Variants in CYP2S1 observed in about 807,000 individuals in gnomAD.
The protein encoded by CYP2S1 is cytochrome P450 family 2 subfamily S member 1, also known as cytochrome P450 2S1.
A neutral mutation model predicts 43.5 loss-of-function variants in CYP2S1; 32 were observed. The observed-to-expected ratio is 0.74, with a 90% CI of 0.56 to 0.99. The LOEUF is 0.99. Among genes scored for constraint, CYP2S1 ranks in the 50% least tolerant of loss-of-function variants. The pLI is 0.00. For synonymous variants in CYP2S1, 283 were observed against 302.9 expected (o/e 0.93, Z 0.68); for missense variants, 575 against 673.9 (o/e 0.85, Z 1.62).
At chr19:41,200,096 C>G (rs1032633899) in intron 5 of CYP2S1, among the ~76,000 whole-genome samples, 13 of 152,010 alleles carry the variant, frequency 8.6e-5, no homozygotes, top group African/African-American at 2.9e-4. Context: ...GGGGCCAATT[C>G]TTTAATTAAA....
intron 5 of CYP2S1, among the ~76,000 whole-genome samples, chr19:41,199,957 C>T (rs1273589408): frequency 7.3e-6 from 1 of 136,824 alleles, no homozygotes; most frequent in Non-Finnish European, 1.5e-5. Context: ...GCAACAAGAG[C>T]GAAATTCCAT....
At chr19:41,195,624 T>G (rs189593216) in intron 2 of CYP2S1, among the ~76,000 whole-genome samples, 1 of 152,068 alleles carries the variant, frequency 6.6e-6, no homozygotes, top group Admixed American at 6.6e-5. Flanking sequence ...GTGAGGGAGC[T>G]TCAGGAAGTC....
chr19:41,194,335 C>T (rs1280886285), intron 1 of CYP2S1, among the ~76,000 whole-genome samples: 2 of 151,896 alleles, frequency 1.3e-5, no homozygotes, highest in Non-Finnish European at 2.9e-5. Flanking sequence ...TGGGGGATGC[C>T]ACTGAAGGAT....
At position 41,194,558 on chromosome 19, in the gene CYP2S1, C is replaced by G; in HGVS notation, c.192C>G (p.Tyr64Ter). 2.5e-6 allele frequency: 4 copies of G among 1,595,972 alleles called. No individual in the cohort carries two copies. The highest frequency in any genetic ancestry group is 3.4e-6 in the Non-Finnish European group (4 of 1,173,624). The change falls in exon 2 of 9, where the codon TAC becomes TAG. Residue 64 changes from tyrosine (Y) to a stop codon, truncating the protein, a stop_gained. Transcript: ENST00000310054. LOFTEE classifies it high-confidence loss of function. The stretch of plus-strand genomic sequence containing the variant: ...CCTACCCCCAGCTGAGTAAGAAGTA[C>G]GGACCGGTGTTCACCATCTACCTGG... The part of the protein sequence containing the change: ...YSGLMRLSKK[Y>*]GPVFTIYLGP...
At chr19:41,206,132 G>A (rs373976638) in intron 8 of CYP2S1, 33 bp downstream of exon 8, 42 of 1,610,986 alleles carry the variant, frequency 2.6e-5, no homozygotes, top group South Asian at 2.1e-4. Flanking sequence ...TCACAAGCAG[G>A]TGCTGGCGAA....
At chr19:41,195,547 A>G (rs989442559) in intron 2 of CYP2S1, among the ~76,000 whole-genome samples, 3 of 152,030 alleles carry the variant, frequency 2.0e-5, no homozygotes, top group African/African-American at 7.3e-5. Context: ...AAGAGGGGTC[A>G]GGGCCAGGCT....
chr19:41,201,107 CA>C, intron 5 of CYP2S1, 123 bp from the exon 6 acceptor site: 1 of 1,354,552 alleles, frequency 7.4e-7, no homozygotes. Context: ...CCAACCTTCC[CA>C]AAAATTTATC....
Position 41,193,387 on chromosome 19 carries a change from G to A in CYP2S1, c.123G>A (p.Leu41=), listed in dbSNP as rs766411039. Residue 41 remains leucine, a synonymous_variant, in exon 1 of 9, where the codon CTG becomes CTA. Transcript: ENST00000310054. ...CCCCCGGGCCCACGCCGCTACCACT[G>A]CTGGGAAACCTCCTGCAGCTACGGC... is the stretch of plus-strand genomic sequence containing the variant. ...HLPPGPTPLP[L]LGNLLQLRPG... is the part of the protein sequence containing the mutation. The A allele has an allele frequency of 6.5e-7, 1 of 1,529,646 alleles. No homozygotes were observed. Among genetic ancestry groups the A allele is most frequent in the South Asian group, 1.2e-5 (1 of 82,636 alleles). 94.8% of individuals were successfully genotyped at this position (1,529,646 alleles called of 1,614,324 possible). A position where few individuals can be genotyped will look rare whatever the true frequency, so the allele number is the denominator to read the frequency against.
Position 41,193,231 on chromosome 19 carries a change from C to A in CYP2S1, c.-34C>A. The A allele has an allele frequency of 1.3e-6, 2 of 1,493,924 alleles. No individual in the cohort carries two copies. Among genetic ancestry groups the A allele is most frequent in the Non-Finnish European group, 1.8e-6 (2 of 1,128,680 alleles). The allele number at this position is 1,493,924 out of a possible 1,614,324, so 92.5% of individuals were successfully genotyped here. Reference sequence around the variant, plus strand: ...CCCTAACTAGCCCAGCCGCGCGGAGCGCCTGGGAGAGGAGAAGGAGCCGAC... The same window carrying A: ...CCCTAACTAGCCCAGCCGCGCGGAGAGCCTGGGAGAGGAGAAGGAGCCGAC... On this transcript the variant is annotated 5_prime_UTR_variant, in exon 1 of 9. Transcript: ENST00000310054.
intron 6 of CYP2S1, among the ~76,000 whole-genome samples, 163 bp from the exon 7 acceptor site, chr19:41,203,287 A>G (rs906764834): frequency 1.3e-5 from 2 of 152,170 alleles, no homozygotes; most frequent in African/African-American, 4.8e-5. Flanking sequence ...GGAACACCCA[A>G]CACACAAGAT....
At chr19:41,203,237 G>GAAATA (rs948293076) in intron 6 of CYP2S1, among the ~76,000 whole-genome samples, 7 of 151,942 alleles carry the variant, frequency 4.6e-5, no homozygotes, top group South Asian at 2.1e-4. Context: ...ATAATAAAAT[G>GAAATA]AAATAAAATA....
intron 7 of CYP2S1, 58 bp downstream of exon 7, chr19:41,203,695 G>A: frequency 7.0e-7 from 1 of 1,438,500 alleles, no homozygotes; most frequent in Non-Finnish European, 9.2e-7. Context: ...GAGCCCGGGT[G>A]GTTTGCTGTC....
At chr19:41,197,689 G>C in intron 2 of CYP2S1, 90 bp from the exon 3 acceptor site, 1 of 1,554,704 alleles carries the variant, frequency 6.4e-7, no homozygotes, top group South Asian at 1.2e-5. Context: ...AACAGAGCGA[G>C]ATTCCGTCTC....
chr19:41,206,269 C>T lies in CYP2S1; in HGVS notation c.1307-11C>T. The T allele has an allele frequency of 6.2e-7, 1 of 1,614,006 alleles. No homozygotes were observed. Among genetic ancestry groups the T allele is most frequent in the African/African-American group, 1.3e-5 (1 of 75,040 alleles). ...CTGACTCAGCCCTCTCTCTCTCTCT[C>T]TCCTCACCAGGGAAGCGTGTCTGCC... On this transcript the variant is annotated splice_polypyrimidine_tract_variant and intron_variant, in intron 8 of 8. Transcript: ENST00000310054.
In CYP2S1 at chr19:41,197,719, G is replaced by A. The variant is rs895384355; in HGVS notation, c.344-60G>A. ...CGTCTCAAAAAAAAAAAGAAAGAAA[G>A]GAAGAAGGGGGAATGGGGGAGAGGG... On this transcript the variant is annotated intron_variant, in intron 2 of 8. Coordinates refer to ENST00000310054, the MANE Select transcript of CYP2S1 (RefSeq NM_030622.8). The A allele has an allele frequency of 3.2e-6, 5 of 1,579,760 alleles. No homozygotes were observed. The East Asian group carries it at 1.1e-4, about 35-fold the overall frequency.
intron 7 of CYP2S1, among the ~76,000 whole-genome samples, chr19:41,205,649 G>A (rs1397689840): frequency 6.6e-6 from 1 of 151,896 alleles, no homozygotes; most frequent in East Asian, 1.9e-4. Context: ...AGCCTCCTGA[G>A]CAGCTGGGAC....
In CYP2S1 at chr19:41,193,346, G is replaced by A; in HGVS notation, c.82G>A (p.Ala28Thr). 5 of 1,536,168 alleles carry A rather than the reference G, an allele frequency of 3.3e-6. No homozygotes were observed. Among genetic ancestry groups the A allele is most frequent in the East Asian group, 5.0e-5 (2 of 40,086 alleles). ...LLTLALSGTR[A>T]RGHLPPGPTP... ...GACGCTGGCGCTGTCCGGGACCAGG[G>A]CCCGAGGCCACCTGCCCCCCGGGCC... Residue 28 changes from alanine to threonine, a missense_variant, in exon 1 of 9, where the codon GCC becomes ACC. This residue lies in a region of CYP2S1 where 353 missense variants were observed against 367.6 expected (regional missense o/e 0.96). Transcript: ENST00000310054.
chr19:41,205,635 C>T lies in CYP2S1; in HGVS notation c.1165-323C>T, dbSNP rs576063274. 2.0e-5 allele frequency among the ~76,000 whole-genome samples: 3 copies of T among 152,076 alleles called. No homozygotes were observed. The South Asian group carries it at 6.2e-4, about 32-fold the overall frequency. ...CTCCTAGGCTCAAGTGATCCTCCCA[C>T]GTCAGCCTCCTGAGCAGCTGGGACA... On this transcript the variant is annotated intron_variant, in intron 7 of 8. Coordinates refer to ENST00000310054, the MANE Select transcript of CYP2S1 (RefSeq NM_030622.8).
intron 2 of CYP2S1, among the ~76,000 whole-genome samples, chr19:41,195,653 TC>T (rs1221188609): frequency 1.3e-5 from 2 of 152,062 alleles, no homozygotes. Flanking sequence ...AGAGAGGCTG[TC>T]GGAGCTGAGA....
Sources: gnomAD v4.1 joint callset for allele counts (sites outside exome capture counted in the v4.1 genomes callset) on GRCh38, gnomAD v4.1.1 for gene constraint, gnomAD v4.1.1 regional missense constraint, MANE v1.5 for transcripts, NCBI Gene and HGNC (gene_info 2026-07-23, HGNC 2026-07-21) for gene names.